Variants in CACNA2D2 observed in about 807,000 individuals in gnomAD.
CACNA2D2 encodes the protein voltage-dependent calcium channel subunit alpha-2/delta-2.
In CACNA2D2, 48 loss-of-function variants were observed where a neutral mutation model predicts 166.4. The ratio of observed to expected loss-of-function variants is 0.29; its 90% confidence interval spans 0.23 to 0.37. The LOEUF (loss-of-function observed/expected upper bound fraction) is 0.37, where lower values mean the gene tolerates loss of function less well. Among genes scored for constraint, CACNA2D2 ranks in the 10% least tolerant of loss-of-function variants. CACNA2D2 has a pLI of 1.00. For synonymous variants in CACNA2D2, 561 were observed against 573.7 expected, an observed-to-expected ratio of 0.98 and a Z score of 0.32; for missense variants, 1,122 against 1,433.0, an observed-to-expected ratio of 0.78 and a Z score of 3.50.
intron 3 of CACNA2D2, among the ~76,000 whole-genome samples, chr3:50,398,845 AGCTCTG>A (rs1706291113): frequency 6.6e-6 from 1 of 152,242 alleles, no homozygotes; most frequent in Non-Finnish European, 1.5e-5. Flanking sequence ...AATTTCCCTC[AGCTCTG>A]GGAACCATTC....
At position 50,416,949 on chromosome 3, in the gene CACNA2D2, CGT is replaced by C. The variant is rs770630411; in HGVS notation, c.405+17362_405+17363del. 5.9e-5 allele frequency among the ~76,000 whole-genome samples: 9 copies of C among 152,320 alleles called. No homozygotes were observed. The East Asian group carries it at 1.7e-3, about 29-fold the overall frequency. ...CACATGTGCACATGTATCCCATTCACGTGTGTGTGCATGTCCACTGCAGGTTC... is the reference window on the plus strand; with the variant it reads ...CACATGTGCACATGTATCCCATTCACGTGTGTGCATGTCCACTGCAGGTTC... On this transcript the variant is annotated intron_variant, in intron 3 of 37. Transcript: ENST00000424201.
In CACNA2D2 at chr3:50,366,726, G is replaced by T; in HGVS notation, c.2590-101C>A. ...CCCCAGGCCATCTGCAGCTGGCCCT[G>T]CCTCCATGTAGGTGTTGGAGCCACT... On this transcript the variant is annotated intron_variant, in intron 29 of 37. Transcript: ENST00000424201. The surrounding 1 kb of genome is among the most constrained non-coding windows in gnomAD (Gnocchi z 5.9). 6.4e-7 allele frequency: 1 copy of T among 1,557,466 alleles called. No homozygotes were observed. The highest frequency in any genetic ancestry group is 1.1e-5 in the South Asian group (1 of 89,004).
intron 3 of CACNA2D2, among the ~76,000 whole-genome samples, chr3:50,423,942 G>A (rs927245565): frequency 2.0e-5 from 3 of 152,234 alleles, no homozygotes; most frequent in Non-Finnish European, 4.4e-5. Flanking sequence ...AGCTAAAGGA[G>A]GACAGATCCA....
intron 1 of CACNA2D2, among the ~76,000 whole-genome samples, chr3:50,486,200 A>G (rs1575766937): frequency 6.6e-6 from 1 of 152,264 alleles, no homozygotes; most frequent in Middle Eastern, 3.4e-3. Flanking sequence ...CACCTCAGAG[A>G]GCACAGTAGG....
rs966763660 is a variant in CACNA2D2, at chr3:50,379,345, C to T, written c.1152+87G>A. The T allele has an allele frequency of 8.5e-6, 13 of 1,528,530 alleles. No homozygotes were observed. The highest frequency in any genetic ancestry group is 1.8e-5 in the Admixed American group (1 of 55,636). 94.7% of individuals were successfully genotyped at this position (1,528,530 alleles called of 1,614,324 possible). On this transcript the variant is annotated intron_variant, in intron 11 of 37. Coordinates refer to ENST00000424201, the MANE Select transcript of CACNA2D2 (RefSeq NM_006030.4). This position sits in a 1 kb window ranked among gnomAD's most constrained non-coding sequence, Gnocchi z 6.5. ...GTCCAAGCTGCCTGTTTGGTGCTAA[C>T]GAGGCCATCCGTCTTGATTTCCTGG...
At chr3:50,395,875 G>A (rs1301343457) in intron 3 of CACNA2D2, among the ~76,000 whole-genome samples, 3 of 152,156 alleles carry the variant, frequency 2.0e-5, no homozygotes. Flanking sequence ...CTATGAGGCT[G>A]GGGTCCCGGG....
At chr3:50,503,003 C>G (rs9817959) in intron 1 of CACNA2D2, among the ~76,000 whole-genome samples, 3,666 of 152,298 alleles carry the variant, frequency 0.024, 164 homozygotes, top group African/African-American at 0.083. Context: ...TTGGGGGAAG[C>G]AGGGGCACCG....
intron 22 of CACNA2D2, 54 bp downstream of exon 22, chr3:50,374,683 A>G: frequency 3.9e-6 from 6 of 1,549,130 alleles, no homozygotes; most frequent in Non-Finnish European, 5.2e-6. Flanking sequence ...GGGGCCGGCC[A>G]GGGTGCGGGG....
intron 2 of CACNA2D2, among the ~76,000 whole-genome samples, chr3:50,467,207 C>A (rs1195933521): frequency 6.6e-6 from 1 of 152,194 alleles, no homozygotes; most frequent in African/African-American, 2.4e-5. Context: ...GTAGCCAGCA[C>A]ACTCTCACAT....
At chr3:50,489,543 G>A (rs1698434338) in intron 1 of CACNA2D2, among the ~76,000 whole-genome samples, 2 of 149,928 alleles carry the variant, frequency 1.3e-5, no homozygotes, top group Admixed American at 6.7e-5. Flanking sequence ...GTGCTAGGAG[G>A]CACTGCCCAG....
At chr3:50,447,810 G>A (rs1305948643) in intron 2 of CACNA2D2, among the ~76,000 whole-genome samples, 1 of 152,146 alleles carries the variant, frequency 6.6e-6, no homozygotes, top group African/African-American at 2.4e-5. Flanking sequence ...AGTCACCACA[G>A]AGCCTGGGGA....
In CACNA2D2 at chr3:50,434,344, C is replaced by T; in HGVS notation, c.374G>A (p.Ser125Asn). ...LVEKVAGDIESLLDRKVQALK... is the reference protein window; with the variant it reads ...LVEKVAGDIENLLDRKVQALK... ...GGCCTGCACCTTCCTGTCCAGAAGG[C>T]TCTCAATGTCCCCTGCCACCTTCTC... Residue 125 changes from serine (S) to asparagine (N), a missense_variant, in exon 3 of 38, where the codon AGC (serine) becomes AAC (asparagine). By Grantham distance (46) the Ser-to-Asn change is conservative (BLOSUM62 1). This residue lies in a region of CACNA2D2 where 840 missense variants were observed against 1,166.8 expected (regional missense o/e 0.72). Coordinates refer to ENST00000424201, the MANE Select transcript of CACNA2D2 (RefSeq NM_006030.4). The T allele has an allele frequency of 6.2e-7, 1 of 1,613,958 alleles. No individual in the cohort carries two copies. Among genetic ancestry groups the T allele is most frequent in the African/African-American group, 1.3e-5 (1 of 75,044 alleles).
At position 50,364,578 on chromosome 3, in the gene CACNA2D2, G is replaced by A; in HGVS notation, c.*88C>T. The A allele has an allele frequency of 2.2e-6, 3 of 1,393,126 alleles. No homozygotes were observed. The highest frequency in any genetic ancestry group is 2.8e-6 in the Non-Finnish European group (3 of 1,057,698). The allele number at this position is 1,393,126 out of a possible 1,614,324, so 86.3% of individuals were successfully genotyped here. On this transcript the variant is annotated 3_prime_UTR_variant, in exon 38 of 38. Coordinates refer to ENST00000424201, the MANE Select transcript of CACNA2D2 (RefSeq NM_006030.4). ...GGTCCTTCAGTGAGGGAGGGACGAG[G>A]CTCTAAGGCGGGGAGTGTGGGGCAG...
Position 50,375,697 on chromosome 3 carries a change from T to C in CACNA2D2, c.1854A>G (p.Ile618Met), listed in dbSNP as rs1451105880. The change falls in exon 21 of 38, where the codon ATA (isoleucine) becomes ATG (methionine). Residue 618 changes from isoleucine to methionine, a missense_variant. Coordinates refer to ENST00000424201, the MANE Select transcript of CACNA2D2 (RefSeq NM_006030.4). This position sits in a 1 kb window ranked among gnomAD's most constrained non-coding sequence, Gnocchi z 4.0. The stretch of plus-strand genomic sequence containing the variant: ...AGGTGTAGTTCCGTGTCACCTCATC[T>C]ATGTACCTCTGGGAGAGGAGGCTGG... ...TLVKSLDERY[I>M]DEVTRNYTWV... The C allele has an allele frequency of 1.2e-6, 2 of 1,613,142 alleles. No individual in the cohort carries two copies.
At chr3:50,476,221 A>G in intron 1 of CACNA2D2, 22 bp from the exon 2 acceptor site, 2 of 1,559,056 alleles carry the variant, frequency 1.3e-6, no homozygotes, top group Non-Finnish European at 1.7e-6. Context: ...GAGAGGAGAG[A>G]GGTGTCAGGA....
chr3:50,456,914 G>C lies in CACNA2D2; in HGVS notation c.288+19204C>G, dbSNP rs983393646. ...TTGTGGCTCCCCCAAGGACAGTACT[G>C]TCTGTTCAGAGTTCACTAGTGGAAT... is the stretch of plus-strand genomic sequence containing the variant. On this transcript the variant is annotated intron_variant, in intron 2 of 37. Coordinates refer to ENST00000424201, the MANE Select transcript of CACNA2D2 (RefSeq NM_006030.4). 3.9e-5 allele frequency among the ~76,000 whole-genome samples: 6 copies of C among 152,146 alleles called. 1 individual carries two copies. The highest frequency in any genetic ancestry group is 9.7e-5 in the African/African-American group (4 of 41,426).
chr3:50,389,383 G>T (rs1705777337), intron 4 of CACNA2D2, among the ~76,000 whole-genome samples: 1 of 152,206 alleles, frequency 6.6e-6, no homozygotes, highest in Non-Finnish European at 1.5e-5. Flanking sequence ...TCTAAAAGGG[G>T]GTTATAAACA....
rs116702923 is a variant in CACNA2D2, at chr3:50,371,759, G to A, written c.1985-1379C>T. On this transcript the variant is annotated intron_variant, in intron 22 of 37. Coordinates refer to ENST00000424201, the MANE Select transcript of CACNA2D2 (RefSeq NM_006030.4). ...ACACAAGCCGATGGGGAAGGGGTTGGGGGGAAGAGGAGAAGGAGGAAAAAG... is the reference window on the plus strand; with the variant it reads ...ACACAAGCCGATGGGGAAGGGGTTGAGGGGAAGAGGAGAAGGAGGAAAAAG... 6.8e-3 allele frequency among the ~76,000 whole-genome samples: 1,035 copies of A among 152,254 alleles called. 7 individuals are homozygous for A. The highest frequency in any genetic ancestry group is 0.023 in the African/African-American group (969 of 41,508).
Position 50,370,370 on chromosome 3 carries a change from G to A in CACNA2D2, c.1995C>T (p.Phe665=). 1 of 1,441,826 alleles carries A rather than the reference G, an allele frequency of 6.9e-7. No homozygotes were observed. Among genetic ancestry groups the A allele is most frequent in the Non-Finnish European group, 9.3e-7 (1 of 1,078,316 alleles). 89.3% of individuals were successfully genotyped at this position (1,441,826 alleles called of 1,614,324 possible). A position where few individuals can be genotyped will look rare whatever the true frequency, so the allele number is the denominator to read the frequency against. The part of the protein sequence containing the change: ...DQILQVKYFE[F]LLPSSFESEG... ...CAGACTCAAAGCTGCTGGGGAGCAG[G>A]AACTCAAAATCTGCAACAGAAACGG... The change falls in exon 23 of 38, where the codon TTC becomes TTT. Residue 665 remains phenylalanine (F), a synonymous_variant. Coordinates refer to ENST00000424201, the MANE Select transcript of CACNA2D2 (RefSeq NM_006030.4).
Sources: gnomAD v4.1 joint callset for allele counts (sites outside exome capture counted in the v4.1 genomes callset) on GRCh38, gnomAD v4.1.1 for gene constraint, gnomAD v4.1.1 regional missense constraint, Gnocchi (gnomAD v3.1) non-coding constraint, MANE v1.5 for transcripts, NCBI Gene and HGNC (gene_info 2026-07-23, HGNC 2026-07-21) for gene names.